Variants in GRK5 observed in about 807,000 individuals in gnomAD.
GRK5 encodes the protein g protein-coupled receptor kinase GRK5.
In GRK5, 40 loss-of-function variants were observed where a neutral mutation model predicts 78.4. The observed-to-expected ratio is 0.51, with a 90% CI of 0.40 to 0.66. The LOEUF (loss-of-function observed/expected upper bound fraction) is 0.66, where lower values mean the gene tolerates loss of function less well. Ranked by LOEUF, GRK5 falls within the 30% of genes least tolerant of loss-of-function variation. The probability of loss-of-function intolerance (pLI) is 0.00; values close to 1 mark genes in which losing one functional copy is unlikely to be tolerated. For synonymous variants in GRK5, 289 were observed against 296.8 expected (o/e 0.97, Z 0.27); for missense variants, 598 against 759.9 (o/e 0.79, Z 2.50).
chr10:119,260,030 C>T (rs896276722), intron 1 of GRK5, among the ~76,000 whole-genome samples: 38 of 151,732 alleles, frequency 2.5e-4, no homozygotes, highest in Non-Finnish European at 1.3e-4. Context: ...GACGGAGTCT[C>T]CCTCTGTTGC....
rs545185937 is a variant in GRK5, at chr10:119,446,455, C to T, written c.1267-1668C>T. On this transcript the variant is annotated intron_variant, in intron 12 of 15. Coordinates refer to ENST00000392870, the MANE Select transcript of GRK5 (RefSeq NM_005308.3). ...GCAGGAGCTGACACATAGCCCGGCC[C>T]GGCCCACCCAGCCCACCCCTCGCCT... Among the ~76,000 whole-genome samples, 272 of 149,404 alleles carry T rather than the reference C, an allele frequency of 1.8e-3. 3 individuals are homozygous for T. Among genetic ancestry groups the T allele is most frequent in the African/African-American group, 5.8e-3 (234 of 40,572 alleles).
chr10:119,400,029 A>G (rs1852123542), intron 4 of GRK5, among the ~76,000 whole-genome samples: 1 of 152,166 alleles, frequency 6.6e-6, no homozygotes, highest in Non-Finnish European at 1.5e-5. Context: ...GTCAGGCACC[A>G]CTGTCTGCAG....
chr10:119,410,838 C>T (rs1462889302), intron 4 of GRK5, among the ~76,000 whole-genome samples: 1 of 141,320 alleles, frequency 7.1e-6, no homozygotes, highest in East Asian at 2.0e-4. Context: ...GGGCCATGAT[C>T]AAACCTCTCC....
intron 1 of GRK5, among the ~76,000 whole-genome samples, chr10:119,251,378 G>A (rs1051275467): frequency 3.9e-5 from 6 of 152,182 alleles, no homozygotes; most frequent in African/African-American, 1.4e-4. Flanking sequence ...GATGTTTATG[G>A]CATCACCAAT....
At chr10:119,227,348 C>T (rs569282415) in intron 1 of GRK5, among the ~76,000 whole-genome samples, 1 of 152,232 alleles carries the variant, frequency 6.6e-6, no homozygotes, top group African/African-American at 2.4e-5. Context: ...GGGTGGATTG[C>T]TTGAGCCCAG....
intron 1 of GRK5, among the ~76,000 whole-genome samples, chr10:119,246,518 T>C (rs1023288767): frequency 6.6e-6 from 1 of 152,168 alleles, no homozygotes; most frequent in African/African-American, 2.4e-5. Context: ...TGGGAAGCAT[T>C]TGGAAAACAT....
chr10:119,291,763 TC>T (rs1358106973), intron 1 of GRK5, among the ~76,000 whole-genome samples: 2 of 150,168 alleles, frequency 1.3e-5, no homozygotes, highest in African/African-American at 4.9e-5. Context: ...CTCTTCCTCA[TC>T]CTCCTCCTTA....
intron 1 of GRK5, among the ~76,000 whole-genome samples, chr10:119,225,188 T>C (rs1848715351): frequency 6.6e-6 from 1 of 152,172 alleles, no homozygotes; most frequent in Admixed American, 6.5e-5. Context: ...AATGTTTTCT[T>C]TAGTAGATTA....
chr10:119,365,501 A>G (rs1365322583), intron 2 of GRK5, among the ~76,000 whole-genome samples: 1 of 152,202 alleles, frequency 6.6e-6, no homozygotes, highest in Non-Finnish European at 1.5e-5. Context: ...GGGTTTGGAA[A>G]GACCTGAATA....
chr10:119,260,792 C>T (rs1193164298), intron 1 of GRK5, among the ~76,000 whole-genome samples: 1 of 151,134 alleles, frequency 6.6e-6, no homozygotes, highest in African/African-American at 2.4e-5. Context: ...TGAAAAGTCT[C>T]CCATGTCTAC....
intron 4 of GRK5, among the ~76,000 whole-genome samples, chr10:119,411,941 C>T (rs564000711): frequency 1.3e-5 from 2 of 149,266 alleles, no homozygotes; most frequent in African/African-American, 4.9e-5. Context: ...ACCTCCACCT[C>T]CTGGAGTCAA....
At chr10:119,352,399 T>C (rs1851198926) in intron 2 of GRK5, among the ~76,000 whole-genome samples, 1 of 152,212 alleles carries the variant, frequency 6.6e-6, no homozygotes, top group African/African-American at 2.4e-5. Context: ...TAACAAGTTA[T>C]TCTTGCATCT....
chr10:119,241,005 G>A (rs982139423), intron 1 of GRK5, among the ~76,000 whole-genome samples: 12 of 152,292 alleles, frequency 7.9e-5, no homozygotes, highest in South Asian at 2.1e-4. Context: ...GGATTGTGCC[G>A]GGGGCTCTCA....
At chr10:119,254,081 A>C (rs977638653) in intron 1 of GRK5, among the ~76,000 whole-genome samples, 1 of 152,202 alleles carries the variant, frequency 6.6e-6, no homozygotes, top group East Asian at 1.9e-4. Context: ...GGGAAAGATG[A>C]GCCACACATG....
Position 119,207,750 on chromosome 10 carries a change from G to A in GRK5, c.-168G>A, listed in dbSNP as rs1415822899. On this transcript the variant is annotated 5_prime_UTR_variant, in exon 1 of 16. Coordinates refer to ENST00000392870, the MANE Select transcript of GRK5 (RefSeq NM_005308.3). Reference sequence around the variant, plus strand: ...CGGCGGCGGCTCCTCTTTGCAGAGGGGGAAACTCTTGGGCTGAGAGCAGGA... The same window carrying A: ...CGGCGGCGGCTCCTCTTTGCAGAGGAGGAAACTCTTGGGCTGAGAGCAGGA... 3.1e-6 allele frequency: 2 copies of A among 645,890 alleles called. No individual in the cohort carries two copies. The highest frequency in any genetic ancestry group is 6.7e-5 in the East Asian group (2 of 29,744). The allele number at this position is 645,890 out of a possible 1,614,324, so 40.0% of individuals were successfully genotyped here. A position where few individuals can be genotyped will look rare whatever the true frequency, so the allele number is the denominator to read the frequency against.
intron 1 of GRK5, among the ~76,000 whole-genome samples, chr10:119,222,579 C>T (rs1384258715): frequency 2.0e-5 from 3 of 152,152 alleles, no homozygotes; most frequent in African/African-American, 7.2e-5. Flanking sequence ...CAGCACCACA[C>T]AAAACAAATC....
intron 1 of GRK5, among the ~76,000 whole-genome samples, chr10:119,219,304 C>T (rs1848626582): frequency 6.6e-6 from 1 of 152,136 alleles, no homozygotes; most frequent in Non-Finnish European, 1.5e-5. Flanking sequence ...GCCTTGGCCT[C>T]CTGGGCTCAA....
At position 119,207,734 on chromosome 10, in the gene GRK5, C is replaced by T; in HGVS notation, c.-184C>T. On this transcript the variant is annotated 5_prime_UTR_variant, in exon 1 of 16. Coordinates refer to ENST00000392870, the MANE Select transcript of GRK5 (RefSeq NM_005308.3). The stretch of plus-strand genomic sequence containing the variant: ...GCGGCGGCGGCGGCGGCGGCGGCGG[C>T]TCCTCTTTGCAGAGGGGGAAACTCT... 1 of 468,192 alleles carries T rather than the reference C, an allele frequency of 2.1e-6. No homozygotes were observed. Among genetic ancestry groups the T allele is most frequent in the Non-Finnish European group, 3.6e-6 (1 of 277,276 alleles). 29.0% of individuals were successfully genotyped at this position (468,192 alleles called of 1,614,324 possible). A position where few individuals can be genotyped will look rare whatever the true frequency, so the allele number is the denominator to read the frequency against.
At chr10:119,354,968 A>G (rs1471930304) in intron 2 of GRK5, among the ~76,000 whole-genome samples, 2 of 152,206 alleles carry the variant, frequency 1.3e-5, no homozygotes, top group African/African-American at 4.8e-5. Flanking sequence ...GCCAAAATCC[A>G]TGAATGCTCG....
Sources: allele counts gnomAD v4.1 joint callset (sites outside exome capture counted in the v4.1 genomes callset), GRCh38; gene constraint gnomAD v4.1.1; transcripts MANE v1.5; gene names NCBI Gene and HGNC (gene_info 2026-07-23, HGNC 2026-07-21).